The following SLC7A14 variants were observed in gnomAD, a reference collection of about 807,000 sequenced individuals.
The protein encoded by SLC7A14 is gamma-aminobutyric acid transporter SLC7A14.
SLC7A14 carries 37 observed loss-of-function variants against 60.2 expected under a neutral mutation model. That is an observed-to-expected ratio of 0.61 (90% confidence interval 0.47 to 0.81). The LOEUF is 0.81. Among genes scored for constraint, SLC7A14 ranks in the 30% least tolerant of loss-of-function variants. SLC7A14 has a pLI of 0.00. For synonymous variants in SLC7A14, 399 were observed against 395.8 expected (o/e 1.01, Z -0.10); for missense variants, 886 against 982.7 (o/e 0.90, Z 1.32).
At chr3:170,566,613 C>G (rs1345283207) in intron 1 of SLC7A14, among the ~76,000 whole-genome samples, 2 of 152,196 alleles carry the variant, frequency 1.3e-5, no homozygotes, top group African/African-American at 4.8e-5. Context: ...CCATCACTGT[C>G]CCTGTCACAA....
In SLC7A14 at chr3:170,467,163, A is replaced by G; in HGVS notation, c.2208T>C (p.Asp736=). The G allele has an allele frequency of 6.2e-7, 1 of 1,614,218 alleles. No individual in the cohort carries two copies. Among genetic ancestry groups the G allele is most frequent in the Non-Finnish European group, 8.5e-7 (1 of 1,180,040 alleles). The change falls in exon 8 of 8, where the codon GAT becomes GAC. Residue 736 remains aspartate (D), a synonymous_variant. Coordinates refer to ENST00000231706, the MANE Select transcript of SLC7A14 (RefSeq NM_020949.3). The part of the protein sequence containing the change: ...DKGFYYQQMS[D]AKANGRTSSK... ...TACTTGTCCGGCCGTTTGCCTTCGC[A>G]TCTGACATCTGTTGGTAATAGAAGC...
At position 170,564,382 on chromosome 3, in the gene SLC7A14, G is replaced by A. The variant is rs1276111150; in HGVS notation, c.-153+21529C>T. On this transcript the variant is annotated intron_variant, in intron 1 of 7. Transcript: ENST00000231706. ...ACTAGAAAGCACACTCTCCAGTGCT[G>A]GAGCTGGAAGAAACAATTGGATCTG... Among the ~76,000 whole-genome samples the A allele has an allele frequency of 2.6e-5, 4 of 152,344 alleles. No homozygotes were observed. The East Asian group carries it at 5.8e-4, about 22-fold the overall frequency.
intron 2 of SLC7A14, among the ~76,000 whole-genome samples, chr3:170,512,867 T>G (rs1379075592): frequency 6.6e-6 from 1 of 151,670 alleles, no homozygotes; most frequent in East Asian, 2.0e-4. Flanking sequence ...GTTTCACCGT[T>G]TTAGCCGGGA....
intron 4 of SLC7A14, among the ~76,000 whole-genome samples, chr3:170,497,107 A>AAGAAAG (rs1553867121): frequency 3.5e-5 from 5 of 142,710 alleles, no homozygotes; most frequent in African/African-American, 1.4e-4. Context: ...AAAAAAAAAA[A>AAGAAAG]AAAGAAAGAA....
chr3:170,477,227 A>T (rs1026938756), intron 7 of SLC7A14, among the ~76,000 whole-genome samples: 1 of 152,232 alleles, frequency 6.6e-6, no homozygotes, highest in African/African-American at 2.4e-5. Context: ...CTTCCTGTTG[A>T]CTTTGAGCAT....
chr3:170,467,487 G>A (rs1261114933), intron 7 of SLC7A14, 110 bp from the exon 8 acceptor site: 7 of 562,198 alleles, frequency 1.2e-5, no homozygotes, highest in African/African-American at 8.0e-5. Flanking sequence ...GGTGGGGGGC[G>A]GTGGGGGCGG....
intron 7 of SLC7A14, chr3:170,476,959 G>GT (rs1711636044): frequency 6.6e-6 from 1 of 152,192 alleles, no homozygotes; most frequent in African/African-American, 2.4e-5. Context: ...TGGCTATAGA[G>GT]TTTTCAATGT....
At chr3:170,486,871 CAAA>C (rs59431762) in intron 4 of SLC7A14, among the ~76,000 whole-genome samples, 2,175 of 103,554 alleles carry the variant, frequency 0.021, 54 homozygotes, top group African/African-American at 0.057. Context: ...GACTCCATCT[CAAA>C]AAAAAAAAAA....
At chr3:170,558,014 AGTCT>A (rs1714536090) in intron 1 of SLC7A14, among the ~76,000 whole-genome samples, 1 of 152,170 alleles carries the variant, frequency 6.6e-6, no homozygotes, top group African/African-American at 2.4e-5. Flanking sequence ...GGGGGCAAAA[AGTCT>A]GTCTGGTATA....
chr3:170,532,981 A>G lies in SLC7A14; in HGVS notation c.-152-5893T>C, dbSNP rs537942671. On this transcript the variant is annotated intron_variant, in intron 1 of 7. Coordinates refer to ENST00000231706, the MANE Select transcript of SLC7A14 (RefSeq NM_020949.3). The surrounding 1 kb of genome is among the most constrained non-coding windows in gnomAD (Gnocchi z 4.0). ...GTGTTATGCCTCCTCTCATTCTTCT[A>G]TACTTTTGACTTTTTTCCCCAAGAT... Among the ~76,000 whole-genome samples the G allele has an allele frequency of 1.2e-4, 19 of 152,152 alleles. No individual in the cohort carries two copies. Among genetic ancestry groups the G allele is most frequent in the African/African-American group, 4.6e-4 (19 of 41,520 alleles).
At chr3:170,568,837 T>G (rs940473482) in intron 1 of SLC7A14, among the ~76,000 whole-genome samples, 1 of 152,212 alleles carries the variant, frequency 6.6e-6, no homozygotes, top group Non-Finnish European at 1.5e-5. Flanking sequence ...ATAAGAATGC[T>G]TGTGATTTTT....
In SLC7A14 at chr3:170,503,537, G is replaced by A. The variant is rs544004100; in HGVS notation, c.305-2192C>T. Among the ~76,000 whole-genome samples the A allele has an allele frequency of 5.7e-4, 87 of 152,274 alleles. 1 individual carries two copies. The South Asian group carries it at 8.7e-3, about 15-fold the overall frequency. ...AAGTGAAGATGCAACTCACTTCCCT[G>A]CTTTGGTATTGGATCCACAGCATTA... On this transcript the variant is annotated intron_variant, in intron 2 of 7. Transcript: ENST00000231706.
intron 1 of SLC7A14, among the ~76,000 whole-genome samples, chr3:170,533,007 G>T (rs564114204): frequency 6.6e-6 from 1 of 152,164 alleles, no homozygotes; most frequent in South Asian, 2.1e-4. Context: ...TCCCCAAGAT[G>T]CACACATACC....
chr3:170,530,299 G>A (rs1471676629), intron 1 of SLC7A14, among the ~76,000 whole-genome samples: 2 of 152,232 alleles, frequency 1.3e-5, no homozygotes, highest in Non-Finnish European at 2.9e-5. Flanking sequence ...CAAGAGGATA[G>A]AGCGGGTGTT....
At position 170,501,841 on chromosome 3, in the gene SLC7A14, A is replaced by G. The variant is rs1232527857; in HGVS notation, c.305-496T>C. Among the ~76,000 whole-genome samples the G allele has an allele frequency of 3.3e-5, 5 of 152,262 alleles. No homozygotes were observed. The East Asian group carries it at 9.6e-4, about 29-fold the overall frequency. Reference sequence around the variant, plus strand: ...GGGTAGATAAAAGATGCAAATATAAATAAATTACTAATTATTAACAAGGAA... The same window carrying G: ...GGGTAGATAAAAGATGCAAATATAAGTAAATTACTAATTATTAACAAGGAA... On this transcript the variant is annotated intron_variant, in intron 2 of 7. Transcript: ENST00000231706.
chr3:170,484,039 G>C (rs1711938255), intron 5 of SLC7A14, among the ~76,000 whole-genome samples: 1 of 152,176 alleles, frequency 6.6e-6, no homozygotes, highest in African/African-American at 2.4e-5. Flanking sequence ...GAGGTCTATA[G>C]CCTATTAACT....
At position 170,480,845 on chromosome 3, in the gene SLC7A14, G is replaced by A. The variant is rs776138871; in HGVS notation, c.1437C>T (p.Asn479=). The A allele has an allele frequency of 8.7e-6, 14 of 1,614,102 alleles. No individual in the cohort carries two copies. The highest frequency in any genetic ancestry group is 9.3e-6 in the Non-Finnish European group (11 of 1,180,020). Residue 479 remains asparagine, a synonymous_variant, in exon 7 of 8, where the codon AAC becomes AAT. Transcript: ENST00000231706. ...EGDEFSGPAT[N]TCGAKNLPSL... ...ATGGTAAGTTCTTGGCCCCACATGT[G>A]TTGGTGGCTGGGCCAGAAAACTCAT...
rs919544298 is a variant in SLC7A14 at position 170,535,587 on chromosome 3, C to T, written c.-152-8499G>A. 6.6e-6 allele frequency among the ~76,000 whole-genome samples: 1 copy of T among 152,160 alleles called. No individual in the cohort carries two copies. Among genetic ancestry groups the T allele is most frequent in the Non-Finnish European group, 1.5e-5 (1 of 68,034 alleles). ...CACTGGCTGTGTCCTGGGGAGCTGA[C>T]ATGCTCCCTTGCCCTCTGGTTGGAT... On this transcript the variant is annotated intron_variant, in intron 1 of 7. Transcript: ENST00000231706. The surrounding 1 kb of genome is among the most constrained non-coding windows in gnomAD (Gnocchi z 4.3).
At chr3:170,497,048 G>A (rs1289041416) in intron 4 of SLC7A14, among the ~76,000 whole-genome samples, 1 of 126,400 alleles carries the variant, frequency 7.9e-6, no homozygotes, top group African/African-American at 3.2e-5. Context: ...GACCCCCCTT[G>A]CCTCCAGCTA....
Sources: allele counts gnomAD v4.1 joint callset (sites outside exome capture counted in the v4.1 genomes callset), GRCh38; gene constraint gnomAD v4.1.1; non-coding constraint Gnocchi (gnomAD v3.1); transcripts MANE v1.5; gene names NCBI Gene and HGNC (gene_info 2026-07-23, HGNC 2026-07-21).